RALGAPA1: variants seen among roughly 807,000 people sequenced by gnomAD.
RALGAPA1 encodes ral GTPase-activating protein subunit alpha-1.
A neutral mutation model predicts 269.6 loss-of-function variants in RALGAPA1; 52 were observed. That is an observed-to-expected ratio of 0.19 (90% CI 0.15 to 0.24). The LOEUF is 0.24. RALGAPA1 is among the 10% of genes least tolerant of loss of function. The pLI is 1.00. For missense variants in RALGAPA1, 1,917 were observed against 3,013.9 expected, an observed-to-expected ratio of 0.64 and a Z score of 8.52; for synonymous variants, 817 against 1,008.3, an observed-to-expected ratio of 0.81 and a Z score of 3.60.
At chr14:35,684,234 C>T (rs2065721736) in intron 20 of RALGAPA1, among the ~76,000 whole-genome samples, 1 of 152,156 alleles carries the variant, frequency 6.6e-6, no homozygotes, top group Non-Finnish European at 1.5e-5. Context: ...AAACTTAGTT[C>T]CCAAGGTTTT....
chr14:35,683,737 C>A, intron 21 of RALGAPA1, 72 bp downstream of exon 21: 2 of 1,213,818 alleles, frequency 1.6e-6, no homozygotes, highest in South Asian at 3.7e-5. Context: ...TAAAATCTCT[C>A]AAAATTTTAA....
intron 39 of RALGAPA1, among the ~76,000 whole-genome samples, chr14:35,565,226 A>T (rs1193425160): frequency 6.6e-6 from 1 of 151,596 alleles, no homozygotes; most frequent in Non-Finnish European, 1.5e-5. Flanking sequence ...AAAAGAAAAG[A>T]AAAACAGGAT....
chr14:35,667,902 C>A (rs562555060), intron 26 of RALGAPA1, among the ~76,000 whole-genome samples: 14 of 152,330 alleles, frequency 9.2e-5, no homozygotes, highest in African/African-American at 3.4e-4. Context: ...ATGGACTCAA[C>A]CTACATGCCC....
chr14:35,679,674 T>C (rs1234943176), intron 21 of RALGAPA1, among the ~76,000 whole-genome samples: 1 of 152,098 alleles, frequency 6.6e-6, no homozygotes, highest in East Asian at 1.9e-4. Context: ...TTGTAAGTTG[T>C]TAATTATAGT....
intron 10 of RALGAPA1, among the ~76,000 whole-genome samples, chr14:35,743,614 G>C (rs2071773684): frequency 6.6e-6 from 1 of 152,050 alleles, no homozygotes; most frequent in African/African-American, 2.4e-5. Flanking sequence ...CTCCTGAGTA[G>C]CTTGAACTAC....
At chr14:35,629,680 T>TA (rs535942941) in intron 33 of RALGAPA1, among the ~76,000 whole-genome samples, 9 of 152,204 alleles carry the variant, frequency 5.9e-5, no homozygotes, top group Non-Finnish European at 1.3e-4. Context: ...ATTGTATTTT[T>TA]AGTAGAGACT....
intron 21 of RALGAPA1, among the ~76,000 whole-genome samples, chr14:35,679,438 T>C (rs1213571746): frequency 6.6e-6 from 1 of 152,212 alleles, no homozygotes; most frequent in Non-Finnish European, 1.5e-5. Flanking sequence ...CAACTGAACA[T>C]CATAGCTTAG....
intron 16 of RALGAPA1, among the ~76,000 whole-genome samples, chr14:35,705,582 T>C (rs2067733085): frequency 6.6e-6 from 1 of 152,180 alleles, no homozygotes; most frequent in African/African-American, 2.4e-5. Flanking sequence ...ATTCACCTAC[T>C]GAAGAATATC....
At chr14:35,686,714 AT>A in intron 18 of RALGAPA1, 48 bp from the exon 19 acceptor site, 1 of 1,141,618 alleles carries the variant, frequency 8.8e-7, no homozygotes. Context: ...ACTTAACTGC[AT>A]TTTCTAACTT....
chr14:35,651,056 G>A (rs2062800558), intron 31 of RALGAPA1, among the ~76,000 whole-genome samples: 1 of 152,086 alleles, frequency 6.6e-6, no homozygotes, highest in Non-Finnish European at 1.5e-5. Flanking sequence ...CAACATTTAT[G>A]TATAATGTCA....
chr14:35,769,592 A>G (rs944141689), intron 4 of RALGAPA1, among the ~76,000 whole-genome samples: 4 of 152,168 alleles, frequency 2.6e-5, no homozygotes, highest in Admixed American at 2.6e-4. Context: ...AATAAAGTTG[A>G]AACCATTAAA....
At chr14:35,665,028 A>G (rs1395882670) in intron 26 of RALGAPA1, among the ~76,000 whole-genome samples, 2 of 152,214 alleles carry the variant, frequency 1.3e-5, no homozygotes, top group Non-Finnish European at 2.9e-5. Context: ...AAACAAATAT[A>G]CCTTATCTAC....
At chr14:35,800,485 A>G (rs1450893543) in intron 1 of RALGAPA1, among the ~76,000 whole-genome samples, 1 of 152,244 alleles carries the variant, frequency 6.6e-6, no homozygotes, top group Non-Finnish European at 1.5e-5. Flanking sequence ...AGACTTGTAA[A>G]TAACCCATGG....
At chr14:35,707,709 A>C (rs934091613) in intron 16 of RALGAPA1, 6 of 152,136 alleles carry the variant, frequency 3.9e-5, no homozygotes, top group African/African-American at 1.4e-4. Flanking sequence ...TATTCAGTAG[A>C]CTTCACCATC....
chr14:35,625,442 G>C lies in RALGAPA1; in HGVS notation c.6858-10C>G. The C allele has an allele frequency of 6.3e-7, 1 of 1,582,982 alleles. No individual in the cohort carries two copies. The highest frequency in any genetic ancestry group is 8.6e-7 in the Non-Finnish European group (1 of 1,159,448). ...GAGATGAAAGCTCCTCCTAAATAGAGAGATTTATAAACATTTTCATCACCT... is the reference window on the plus strand; with the variant it reads ...GAGATGAAAGCTCCTCCTAAATAGACAGATTTATAAACATTTTCATCACCT... On this transcript the variant is annotated splice_polypyrimidine_tract_variant and intron_variant, in intron 34 of 41. Transcript: ENST00000680220.
chr14:35,602,885 T>C (rs2059377277), intron 36 of RALGAPA1, among the ~76,000 whole-genome samples: 1 of 152,200 alleles, frequency 6.6e-6, no homozygotes, highest in Admixed American at 6.5e-5. Context: ...GGTCTTAACA[T>C]TTAGGTCTGT....
In RALGAPA1 at chr14:35,678,064, A is replaced by G. The variant is rs1158179816; in HGVS notation, c.4510T>C (p.Ser1504Pro). The part of the protein sequence containing the change: ...SASPVHSPLG[S>P]RSQTPSPSTL... The stretch of plus-strand genomic sequence containing the variant: ...GAAGGGGAAGGAGTCTGTGACCTGG[A>G]GCCCAGAGGTGAGTGGACTGGGGAA... Residue 1504 changes from serine to proline, a missense_variant, in exon 22 of 42, where the codon TCC (serine) becomes CCC (proline). Transcript: ENST00000680220. 6.2e-7 allele frequency: 1 copy of G among 1,609,304 alleles called. No homozygotes were observed.
intron 30 of RALGAPA1, among the ~76,000 whole-genome samples, chr14:35,653,868 A>G (rs952951421): frequency 1.3e-5 from 2 of 152,244 alleles, no homozygotes; most frequent in Admixed American, 1.3e-4. Context: ...AAGAAAAAAA[A>G]TAATGACCTG....
At chr14:35,670,855 G>A (rs556634771) in intron 26 of RALGAPA1, among the ~76,000 whole-genome samples, 41 of 151,834 alleles carry the variant, frequency 2.7e-4, no homozygotes, top group African/African-American at 7.2e-4. Flanking sequence ...CCTGTGAGGC[G>A]GAGGCTGCAG....
Sources: gnomAD v4.1 joint callset for allele counts (sites outside exome capture counted in the v4.1 genomes callset) on GRCh38, gnomAD v4.1.1 for gene constraint, MANE v1.5 for transcripts, NCBI Gene and HGNC (gene_info 2026-07-23, HGNC 2026-07-21) for gene names.